Variants in SMYD5 observed in about 807,000 individuals in gnomAD.
SMYD5 encodes the protein SMYD family member 5, also known as protein-lysine N-trimethyltransferase SMYD5.
A neutral mutation model predicts 57.4 loss-of-function variants in SMYD5; 35 were observed. The ratio of observed to expected loss-of-function variants is 0.61; its 90% CI spans 0.47 to 0.81. The LOEUF (loss-of-function observed/expected upper bound fraction) is 0.81. Ranked by LOEUF, SMYD5 falls within the 30% of genes least tolerant of loss-of-function variation. The pLI is 0.00. For missense variants in SMYD5, 471 were observed against 527.9 expected, an observed-to-expected ratio of 0.89 and a Z score of 1.06; for synonymous variants, 198 against 189.7, an observed-to-expected ratio of 1.04 and a Z score of -0.36.
rs1558551445 is a variant in SMYD5, at chr2:73,218,858, C to CA, written c.97-2dup. 3.7e-6 allele frequency: 6 copies of CA among 1,610,810 alleles called. No individual in the cohort carries two copies. Among genetic ancestry groups the CA allele is most frequent in the Non-Finnish European group, 5.1e-6 (6 of 1,176,960 alleles). On this transcript the variant is annotated splice_region_variant and splice_polypyrimidine_tract_variant and intron_variant, in intron 1 of 12. Coordinates refer to ENST00000389501, the MANE Select transcript of SMYD5 (RefSeq NM_006062.3). ...TGGCCATCCTATCCCTCTGCCCTCT[C>CA]AGGGAAAGGGGCTGTTTGCCACACA...
Position 73,220,119 on chromosome 2 carries a change from G to T in SMYD5, c.274G>T (p.Gly92Cys), listed in dbSNP as rs1216392551. The T allele has an allele frequency of 1.2e-6, 2 of 1,614,176 alleles. No individual in the cohort carries two copies. The highest frequency in any genetic ancestry group is 2.7e-5 in the African/African-American group (2 of 75,046). The change falls in exon 3 of 13, where the codon GGC becomes TGC. Residue 92 changes from glycine to cysteine, a missense_variant. Physicochemically the swap from Gly to Cys is radical, Grantham distance 159 (BLOSUM62 -3). Coordinates refer to ENST00000389501, the MANE Select transcript of SMYD5 (RefSeq NM_006062.3). The part of the protein sequence containing the change: ...ENAQRLTGKP[G>C]QVLPHPELCT... ...TGCCCAGAGGCTGACCGGGAAACCAGGCCAGGTTCTGCCTCACCCAGAGCT... is the reference window on the plus strand; with the variant it reads ...TGCCCAGAGGCTGACCGGGAAACCATGCCAGGTTCTGCCTCACCCAGAGCT...
intron 11 of SMYD5, 30 bp downstream of exon 11, chr2:73,224,990 G>T (rs771411637): frequency 6.4e-7 from 1 of 1,554,248 alleles, no homozygotes; most frequent in Admixed American, 1.7e-5. Flanking sequence ...GTCGGGATGG[G>T]TGGGCAGTAG....
chr2:73,214,401 G>A (rs780663329), intron 1 of SMYD5, 39 bp downstream of exon 1: 1 of 1,611,892 alleles, frequency 6.2e-7, no homozygotes, highest in Admixed American at 1.7e-5. Flanking sequence ...CCTCTCCCCA[G>A]TCCGGCCATG....
intron 1 of SMYD5, among the ~76,000 whole-genome samples, chr2:73,217,137 A>G (rs995297783): frequency 6.6e-6 from 1 of 152,022 alleles, no homozygotes. Flanking sequence ...TTTTTAGTAG[A>G]GACAGGGTTT....
In SMYD5 at chr2:73,214,589, C is replaced by A. The variant is rs112202863; in HGVS notation, c.96+227C>A. 762 of 1,502,210 alleles carry A rather than the reference C, an allele frequency of 5.1e-4. 1 individual carries two copies. Among genetic ancestry groups the A allele is most frequent in the Non-Finnish European group, 6.5e-4 (733 of 1,121,608 alleles). 93.1% of individuals were successfully genotyped at this position (1,502,210 alleles called of 1,614,324 possible). On this transcript the variant is annotated intron_variant, in intron 1 of 12. Transcript: ENST00000389501. ...AGTCTCCGTGCGCATTTCCTCCCAG[C>A]GGAATTCGGCCAGCCCGCGGGAGGC...
At position 73,226,065 on chromosome 2, in the gene SMYD5, CCT is replaced by C; in HGVS notation, c.*124_*125del. 1 of 1,364,702 alleles carries C rather than the reference CCT, an allele frequency of 7.3e-7. No individual in the cohort carries two copies. The highest frequency in any genetic ancestry group is 1.5e-5 in the South Asian group (1 of 67,750). The allele number at this position is 1,364,702 out of a possible 1,614,324, so 84.5% of individuals were successfully genotyped here. A position where few individuals can be genotyped will look rare whatever the true frequency, so the allele number is the denominator to read the frequency against. On this transcript the variant is annotated 3_prime_UTR_variant, in exon 13 of 13. Coordinates refer to ENST00000389501, the MANE Select transcript of SMYD5 (RefSeq NM_006062.3). Reference sequence around the variant, plus strand: ...CATTGCCTGCTTTCCCCATTCCAGCCCTCTCTGCTAGAGGGTAGGAGAGAGCC... The same window carrying C: ...CATTGCCTGCTTTCCCCATTCCAGCCCTCTGCTAGAGGGTAGGAGAGAGCC...
chr2:73,218,571 C>T (rs1346080103), intron 1 of SMYD5, among the ~76,000 whole-genome samples: 1 of 152,246 alleles, frequency 6.6e-6, no homozygotes, highest in Non-Finnish European at 1.5e-5. Flanking sequence ...TCTGGCCATA[C>T]TGAGAAAAAT....
Position 73,223,525 on chromosome 2 carries a change from C to T in SMYD5, c.876C>T (p.Ile292=), listed in dbSNP as rs372085871. 2.1e-5 allele frequency: 34 copies of T among 1,612,036 alleles called. No individual in the cohort carries two copies. Among genetic ancestry groups the T allele is most frequent in the Middle Eastern group, 1.6e-4 (1 of 6,078 alleles). The change falls in exon 9 of 13, where the codon ATC becomes ATT. Residue 292 remains isoleucine (I), a synonymous_variant. Transcript: ENST00000389501. ...DAFIDQLYKD[I]EAATGEFLNC... is the part of the protein sequence containing the mutation. ...TCATTGACCAGCTATACAAGGACATCGAGGCAGGTTGGTGAGATAGGGCCT... is the reference window on the plus strand; with the variant it reads ...TCATTGACCAGCTATACAAGGACATTGAGGCAGGTTGGTGAGATAGGGCCT...
chr2:73,214,780 T>C (rs1170226764), intron 1 of SMYD5: 1 of 1,312,406 alleles, frequency 7.6e-7, no homozygotes, highest in Non-Finnish European at 1.0e-6. Flanking sequence ...GCCAAGATCC[T>C]TCACGAGGGT....
chr2:73,214,621 G>C, intron 1 of SMYD5: 10 of 1,509,188 alleles, frequency 6.6e-6, no homozygotes, highest in Non-Finnish European at 8.9e-6. Context: ...AGGCCCTTCT[G>C]TGGCTGCTCG....
In SMYD5 at chr2:73,226,297, C is replaced by T. The variant is rs1467923852; in HGVS notation, c.*351C>T. 2 of 258,140 alleles carry T rather than the reference C, an allele frequency of 7.7e-6. No individual in the cohort carries two copies. The highest frequency in any genetic ancestry group is 1.5e-5 in the Non-Finnish European group (2 of 135,212). The allele number at this position is 258,140 out of a possible 1,614,324, so 16.0% of individuals were successfully genotyped here. On this transcript the variant is annotated 3_prime_UTR_variant, in exon 13 of 13. Transcript: ENST00000389501. The stretch of plus-strand genomic sequence containing the variant: ...CCACGGCCCATACTCACCCCTTCAC[C>T]TGAGGCTTCTCCCCTCTCAACTTGC...
At position 73,222,789 on chromosome 2, in the gene SMYD5, A is replaced by T; in HGVS notation, c.677A>T (p.Glu226Val). The T allele has an allele frequency of 6.2e-7, 1 of 1,613,822 alleles. No homozygotes were observed. The highest frequency in any genetic ancestry group is 8.5e-7 in the Non-Finnish European group (1 of 1,179,852). Residue 226 changes from glutamate (E) to valine (V), a missense_variant, in exon 7 of 13, where the codon GAG becomes GTG. Transcript: ENST00000389501. The stretch of plus-strand genomic sequence containing the variant: ...GAACTTCTGCGGAGACTCTTCACAG[A>T]GGCCCTCTATGAGGAAGCAGTCAGC... ...QLELLRRLFT[E>V]ALYEEAVSQW...
At position 73,225,865 on chromosome 2, in the gene SMYD5, A is replaced by AGAAGAG. The variant is rs763424534; in HGVS notation, c.1191_1196dup (p.Glu402_Glu403dup). 1.5e-5 allele frequency: 24 copies of AGAAGAG among 1,614,084 alleles called. No homozygotes were observed. Among genetic ancestry groups the AGAAGAG allele is most frequent in the Middle Eastern group, 1.6e-4 (1 of 6,084 alleles). On this transcript the variant is annotated inframe_insertion, in exon 13 of 13. Transcript: ENST00000389501. The stretch of plus-strand genomic sequence containing the variant: ...AGGCTGATGAACCCAATGTGACCTC[A>AGAAGAG]GAAGAGGAAGAGGAAGAGGAGGAGG...
intron 8 of SMYD5, 34 bp downstream of exon 8, chr2:73,223,140 C>A (rs368228565): frequency 3.5e-5 from 55 of 1,580,034 alleles, no homozygotes; most frequent in Admixed American, 2.0e-4. Context: ...AAGTTACTCT[C>A]AGGGGTGGGA....
At chr2:73,222,657 G>T in intron 6 of SMYD5, 98 bp from the exon 7 acceptor site, 1 of 927,342 alleles carries the variant, frequency 1.1e-6, no homozygotes. Flanking sequence ...TACAGAGCTG[G>T]CCCTTTTTCC....
chr2:73,222,719 A>G, intron 6 of SMYD5, 36 bp from the exon 7 acceptor site: 2 of 1,588,134 alleles, frequency 1.3e-6, no homozygotes, highest in Non-Finnish European at 1.7e-6. Context: ...GGAAATCCCC[A>G]GGGATACAAG....
chr2:73,221,089 C>A (rs764250970), intron 4 of SMYD5, 76 bp from the exon 5 acceptor site: 3 of 1,296,364 alleles, frequency 2.3e-6, no homozygotes, highest in Admixed American at 1.7e-5. Flanking sequence ...TTTCTCTGTA[C>A]CAGTCAGACT....
rs1686507557 is a variant in SMYD5 at position 73,226,395 on chromosome 2, T to A, written c.*449T>A. On this transcript the variant is annotated 3_prime_UTR_variant, in exon 13 of 13. Transcript: ENST00000389501. The stretch of plus-strand genomic sequence containing the variant: ...AGAGATGGGAGGTGGTGAGGCGTCC[T>A]CACCTCCCCCCACCACAGCTGTGGC... 6.3e-6 allele frequency: 1 copy of A among 158,928 alleles called. No individual in the cohort carries two copies. Among genetic ancestry groups the A allele is most frequent in the African/African-American group, 2.4e-5 (1 of 41,492 alleles). The allele number at this position is 158,928 out of a possible 1,614,324, so 9.8% of individuals were successfully genotyped here. A position where few individuals can be genotyped will look rare whatever the true frequency, so the allele number is the denominator to read the frequency against.
At chr2:73,219,720 G>T (rs1686349844) in intron 2 of SMYD5, among the ~76,000 whole-genome samples, 1 of 152,142 alleles carries the variant, frequency 6.6e-6, no homozygotes, top group South Asian at 2.1e-4. Context: ...ATGAAAGGAG[G>T]GTCAGTTGGC....
Sources: allele counts gnomAD v4.1 joint callset (sites outside exome capture counted in the v4.1 genomes callset), GRCh38; gene constraint gnomAD v4.1.1; transcripts MANE v1.5; gene names NCBI Gene and HGNC (gene_info 2026-07-23, HGNC 2026-07-21).